PELI1: variants seen among roughly 807,000 people sequenced by gnomAD.
The protein encoded by PELI1 is E3 ubiquitin-protein ligase pellino homolog 1.
A neutral mutation model predicts 41.3 loss-of-function variants in PELI1; 15 were observed. The ratio of observed to expected loss-of-function variants is 0.36; its 90% CI spans 0.24 to 0.56. The LOEUF is 0.56. Ranked by LOEUF, PELI1 falls within the 20% of genes least tolerant of loss-of-function variation. The pLI is 0.82. For missense variants in PELI1, 403 were observed against 525.5 expected (o/e 0.77, Z 2.28); for synonymous variants, 178 against 180.1 (o/e 0.99, Z 0.09).
At chr2:64,124,056 T>C (rs1681308685) in intron 1 of PELI1, among the ~76,000 whole-genome samples, 1 of 152,220 alleles carries the variant, frequency 6.6e-6, no homozygotes, top group African/African-American at 2.4e-5. Context: ...ACATATTGTA[T>C]GATTCCATTT....
At chr2:64,129,311 A>G (rs1681481379) in intron 1 of PELI1, among the ~76,000 whole-genome samples, 1 of 152,218 alleles carries the variant, frequency 6.6e-6, no homozygotes, top group Non-Finnish European at 1.5e-5. Flanking sequence ...AGACAGCAAT[A>G]AGTTGTGAAA....
At chr2:64,132,218 T>C (rs1027073621) in intron 1 of PELI1, among the ~76,000 whole-genome samples, 4 of 152,204 alleles carry the variant, frequency 2.6e-5, no homozygotes, top group South Asian at 2.1e-4. Flanking sequence ...TTATCTCTAT[T>C]CCTTTCAACA....
At chr2:64,110,928 A>AAAAT (rs1553356099) in intron 1 of PELI1, among the ~76,000 whole-genome samples, 4 of 149,296 alleles carry the variant, frequency 2.7e-5, no homozygotes, top group Admixed American at 6.7e-5. Context: ...TCCATTTCAA[A>AAAAT]ATATATATAT....
At chr2:64,113,095 T>C (rs931819958) in intron 1 of PELI1, among the ~76,000 whole-genome samples, 4 of 150,858 alleles carry the variant, frequency 2.7e-5, no homozygotes, top group Non-Finnish European at 4.4e-5. Flanking sequence ...CTGCGCAACA[T>C]AGTAAGACTC....
chr2:64,126,245 C>T lies in PELI1; in HGVS notation c.-70+17836G>A, dbSNP rs530431003. Among the ~76,000 whole-genome samples the T allele has an allele frequency of 8.5e-5, 13 of 152,252 alleles. 1 individual carries two copies. The highest frequency in any genetic ancestry group is 3.3e-4 in the Admixed American group (5 of 15,292). ...GTCACACGATCACAGATCACTGCAA[C>T]CTCTGCCTCCCGGGTTCAACCGATT... On this transcript the variant is annotated intron_variant, in intron 1 of 6. Transcript: ENST00000358912.
At chr2:64,101,921 A>C (rs1160513785) in intron 3 of PELI1, among the ~76,000 whole-genome samples, 1 of 142,984 alleles carries the variant, frequency 7.0e-6, no homozygotes. Flanking sequence ...TCCGCCTCCC[A>C]GGTTCAAGTG....
At chr2:64,109,115 C>T (rs999939357) in intron 1 of PELI1, among the ~76,000 whole-genome samples, 5 of 152,164 alleles carry the variant, frequency 3.3e-5, no homozygotes, top group Non-Finnish European at 7.3e-5. Context: ...CCAGCACCTA[C>T]CTCAGTAGGT....
intron 3 of PELI1, chr2:64,104,459 A>T: frequency 2.5e-6 from 1 of 407,446 alleles, no homozygotes; most frequent in Non-Finnish European, 4.1e-6. Context: ...ATAAGGAAAC[A>T]GAGTGTTTCC....
intron 3 of PELI1, among the ~76,000 whole-genome samples, chr2:64,101,824 ATTT>A (rs34370706): frequency 9.9e-5 from 12 of 121,076 alleles, no homozygotes; most frequent in Admixed American, 3.6e-4. Context: ...TTTGCTTCTG[ATTT>A]TTTTTTTTTT....
At chr2:64,123,516 C>T (rs1335297697) in intron 1 of PELI1, among the ~76,000 whole-genome samples, 1 of 152,138 alleles carries the variant, frequency 6.6e-6, no homozygotes, top group Admixed American at 6.5e-5. Context: ...CCATTTATTT[C>T]TCCAAAGAAG....
chr2:64,139,374 T>G (rs569523045), intron 1 of PELI1, among the ~76,000 whole-genome samples: 1 of 152,070 alleles, frequency 6.6e-6, no homozygotes, highest in Non-Finnish European at 1.5e-5. Context: ...GGTGCAATCA[T>G]GGTTCACTGC....
At chr2:64,122,501 C>A (rs896829264) in intron 1 of PELI1, among the ~76,000 whole-genome samples, 2 of 152,056 alleles carry the variant, frequency 1.3e-5, no homozygotes, top group Admixed American at 6.6e-5. Context: ...CTGAGAACGT[C>A]CTGCTTCTTT....
chr2:64,095,046 G>C lies in PELI1; in HGVS notation c.913C>G (p.Pro305Ala). The C allele has an allele frequency of 6.2e-7, 1 of 1,614,088 alleles. No homozygotes were observed. The highest frequency in any genetic ancestry group is 8.5e-7 in the Non-Finnish European group (1 of 1,179,938). The change falls in exon 7 of 7, where the codon CCA (proline) becomes GCA (alanine). Residue 305 changes from proline to alanine, a missense_variant. Pro to Ala is a conservative substitution (Grantham distance 27, BLOSUM62 -1). Transcript: ENST00000358912. Reference protein sequence around the residue: ...KRKDVVDEKQPWVYLNCGHVH... With the variant: ...KRKDVVDEKQAWVYLNCGHVH... ...TGGCCGCAGTTTAGATATACCCATG[G>C]TTGTTTTTCATCTACAACGTCTTTC...
intron 1 of PELI1, among the ~76,000 whole-genome samples, chr2:64,123,273 A>G (rs1681282221): frequency 6.6e-6 from 1 of 152,248 alleles, no homozygotes; most frequent in African/African-American, 2.4e-5. Context: ...CAGATAGAGC[A>G]CTGCCTTCCT....
intron 1 of PELI1, among the ~76,000 whole-genome samples, chr2:64,130,702 G>A (rs915427930): frequency 2.4e-4 from 36 of 151,942 alleles, no homozygotes; most frequent in African/African-American, 8.5e-4. Flanking sequence ...TTTTAATTTG[G>A]TGCATAAAAA....
At chr2:64,102,417 A>T (rs1680473695) in intron 3 of PELI1, among the ~76,000 whole-genome samples, 1 of 152,146 alleles carries the variant, frequency 6.6e-6, no homozygotes, top group Non-Finnish European at 1.5e-5. Flanking sequence ...GCTGAAGTGC[A>T]GTGGCTATTT....
At chr2:64,118,831 T>TG (rs895382469) in intron 1 of PELI1, among the ~76,000 whole-genome samples, 11 of 152,196 alleles carry the variant, frequency 7.2e-5, no homozygotes, top group Admixed American at 6.5e-4. Flanking sequence ...GATTTATGGC[T>TG]GAAAAACTAT....
At chr2:64,096,840 C>T (rs867781393) in intron 4 of PELI1, among the ~76,000 whole-genome samples, 6 of 152,104 alleles carry the variant, frequency 3.9e-5, no homozygotes, top group East Asian at 1.9e-4. Context: ...CAATAATATA[C>T]GAAACCCTTA....
intron 1 of PELI1, among the ~76,000 whole-genome samples, chr2:64,140,236 A>C (rs1468927894): frequency 6.6e-6 from 1 of 152,222 alleles, no homozygotes; most frequent in Non-Finnish European, 1.5e-5. Flanking sequence ...TGTTGAATTA[A>C]TTTTTTTAAA....
Sources: allele counts gnomAD v4.1 joint callset (sites outside exome capture counted in the v4.1 genomes callset), GRCh38; gene constraint gnomAD v4.1.1; transcripts MANE v1.5; gene names NCBI Gene and HGNC (gene_info 2026-07-23, HGNC 2026-07-21).